TVP23B: variants seen among roughly 807,000 people sequenced by gnomAD.
The protein encoded by TVP23B is Golgi apparatus membrane protein TVP23 homolog B.
A neutral mutation model predicts 30.6 loss-of-function variants in TVP23B; 10 were observed. That is an observed-to-expected ratio of 0.33 (90% CI 0.20 to 0.55). The LOEUF is 0.55. Ranked by LOEUF, TVP23B falls within the 20% of genes least tolerant of loss-of-function variation. The pLI, the probability that TVP23B is intolerant of heterozygous loss-of-function variation, is 0.91. For missense variants in TVP23B, 153 were observed against 243.2 expected (o/e 0.63, Z 2.47); for synonymous variants, 67 against 83.1 (o/e 0.81, Z 1.06).
intron 3 of TVP23B, chr17:18,796,875 CAGAG>C (rs1191161071): frequency 6.6e-6 from 1 of 152,346 alleles, no homozygotes; most frequent in Non-Finnish European, 1.5e-5. Context: ...GTTGACTCCT[CAGAG>C]AGTCATTTTC....
At chr17:18,796,402 G>A (rs1328046960) in intron 3 of TVP23B, 14 of 152,224 alleles carry the variant, frequency 9.2e-5, no homozygotes, top group African/African-American at 3.4e-4. Flanking sequence ...AATTAGCTGG[G>A]CATGATGGCG....
chr17:18,799,988 T>C (rs1204047750), intron 5 of TVP23B, among the ~76,000 whole-genome samples: 2 of 152,176 alleles, frequency 1.3e-5, no homozygotes, highest in Non-Finnish European at 2.9e-5. Flanking sequence ...TTACTTTATA[T>C]GTTTATATCA....
chr17:18,795,157 G>A (rs1209734969), intron 3 of TVP23B, among the ~76,000 whole-genome samples: 1 of 149,206 alleles, frequency 6.7e-6, no homozygotes, highest in Non-Finnish European at 1.5e-5. Context: ...CTCCTAGATA[G>A]CTGAGACTAC....
intron 1 of TVP23B, among the ~76,000 whole-genome samples, chr17:18,785,664 G>A (rs1416881708): frequency 6.6e-6 from 1 of 152,004 alleles, no homozygotes; most frequent in African/African-American, 2.4e-5. Context: ...GCTTGAGCCC[G>A]GGAGTTTGAG....
intron 5 of TVP23B, 135 bp from the exon 6 acceptor site, chr17:18,804,003 A>T: frequency 3.3e-6 from 2 of 608,528 alleles, no homozygotes; most frequent in East Asian, 5.6e-5. Context: ...GGAAAATCTC[A>T]ACTGGCACAA....
chr17:18,802,096 C>T (rs1408522601), intron 5 of TVP23B, among the ~76,000 whole-genome samples: 1 of 152,054 alleles, frequency 6.6e-6, no homozygotes, highest in Non-Finnish European at 1.5e-5. Flanking sequence ...GTGGCAGGCA[C>T]CTGTAGTCCC....
chr17:18,805,270 G>A (rs2036231424), intron 6 of TVP23B, among the ~76,000 whole-genome samples: 1 of 151,550 alleles, frequency 6.6e-6, no homozygotes, highest in Non-Finnish European at 1.5e-5. Context: ...ATTTTTAGTA[G>A]AGACGGGGTT....
At chr17:18,781,453 T>C (rs1009735528) in intron 1 of TVP23B, 148 bp downstream of exon 1, 1 of 1,409,218 alleles carries the variant, frequency 7.1e-7, no homozygotes, top group Non-Finnish European at 9.5e-7. Flanking sequence ...TGGGTAGTTG[T>C]CTGAGGAGGG....
intron 2 of TVP23B, among the ~76,000 whole-genome samples, chr17:18,790,272 G>A (rs1424874425): frequency 1.3e-5 from 2 of 151,996 alleles, no homozygotes; most frequent in African/African-American, 4.8e-5. Context: ...AGATCATCCT[G>A]GCTAACATGG....
At chr17:18,804,786 C>G (rs1473941683) in intron 6 of TVP23B, among the ~76,000 whole-genome samples, 1 of 152,174 alleles carries the variant, frequency 6.6e-6, no homozygotes, top group South Asian at 2.1e-4. Context: ...GATGGGATTT[C>G]ATCGTGTTAG....
At chr17:18,783,199 G>A (rs1191368618) in intron 1 of TVP23B, among the ~76,000 whole-genome samples, 1 of 150,588 alleles carries the variant, frequency 6.6e-6, no homozygotes, top group East Asian at 2.0e-4. Flanking sequence ...TCTGCCTCCC[G>A]GCTTCAAGCG....
chr17:18,791,902 G>A lies in TVP23B; in HGVS notation c.240+862G>A, dbSNP rs571284497. Among the ~76,000 whole-genome samples the A allele has an allele frequency of 2.0e-5, 3 of 151,910 alleles. No individual in the cohort carries two copies. The East Asian group carries it at 5.8e-4, about 29-fold the overall frequency. On this transcript the variant is annotated intron_variant, in intron 3 of 6. Coordinates refer to ENST00000307767, the MANE Select transcript of TVP23B (RefSeq NM_016078.6). ...CTGTAAAATTTAACTGTGTGTGTTC[G>A]AAAATATAGTAAAATAGTGGAGAAA...
chr17:18,801,134 T>C (rs1224205470), intron 5 of TVP23B, among the ~76,000 whole-genome samples: 1 of 152,248 alleles, frequency 6.6e-6, no homozygotes, highest in East Asian at 1.9e-4. Context: ...TCTCTCTGTA[T>C]TTCCTTAGCT....
intron 1 of TVP23B, among the ~76,000 whole-genome samples, chr17:18,787,436 C>T (rs558932062): frequency 2.4e-3 from 362 of 150,684 alleles, no homozygotes; most frequent in African/African-American, 8.0e-3. Flanking sequence ...CTTCTAGGTC[C>T]TCCAGCAGCT....
chr17:18,805,464 G>T (rs2036234961), intron 6 of TVP23B, 77 bp from the exon 7 acceptor site: 8 of 1,588,284 alleles, frequency 5.0e-6, no homozygotes, highest in Non-Finnish European at 6.8e-6. Flanking sequence ...GTTTTCCTAG[G>T]CCTAGTCCCC....
At chr17:18,793,037 T>TA (rs566510870) in intron 3 of TVP23B, among the ~76,000 whole-genome samples, 3,954 of 149,824 alleles carry the variant, frequency 0.026, 97 homozygotes, top group South Asian at 0.072. Context: ...CTGATGAGCT[T>TA]AAAAAAAAAA....
intron 1 of TVP23B, among the ~76,000 whole-genome samples, chr17:18,787,359 T>TA (rs2035922915): frequency 7.2e-6 from 1 of 138,962 alleles, no homozygotes; most frequent in Non-Finnish European, 1.5e-5. Context: ...GCTGAGACCA[T>TA]ACCACTGTAC....
At chr17:18,800,960 A>G (rs1306865494) in intron 5 of TVP23B, among the ~76,000 whole-genome samples, 2 of 152,242 alleles carry the variant, frequency 1.3e-5, no homozygotes, top group East Asian at 1.9e-4. Flanking sequence ...GGGATAAGTT[A>G]GGGGACAGTA....
chr17:18,787,415 A>C (rs1447392745), intron 1 of TVP23B, among the ~76,000 whole-genome samples: 2 of 149,560 alleles, frequency 1.3e-5, no homozygotes, highest in Admixed American at 1.3e-4. Flanking sequence ...AAAAAAAAAA[A>C]AAAACCTTGT....
Sources: gnomAD v4.1 joint callset for allele counts (sites outside exome capture counted in the v4.1 genomes callset) on GRCh38, gnomAD v4.1.1 for gene constraint, MANE v1.5 for transcripts, NCBI Gene and HGNC (gene_info 2026-07-23, HGNC 2026-07-21) for gene names.